The following NEMP1 variants were observed in gnomAD, a reference collection of about 807,000 sequenced individuals.
The protein encoded by NEMP1 is nuclear envelope integral membrane protein 1, also known as transmembrane protein 194.
Under a neutral mutation model 53.7 loss-of-function variants are expected in NEMP1, and 29 were observed. The ratio of observed to expected loss-of-function variants is 0.54; its 90% CI spans 0.40 to 0.74. The LOEUF is 0.74. Among genes scored for constraint, NEMP1 ranks in the 30% least tolerant of loss-of-function variants. The pLI is 0.00. For synonymous variants in NEMP1, 193 were observed against 192.9 expected, an observed-to-expected ratio of 1.00 and a Z score of 0.00; for missense variants, 477 against 528.6, an observed-to-expected ratio of 0.90 and a Z score of 0.96.
At chr12:57,084,014 G>A (rs2032921882) in intron 1 of NEMP1, among the ~76,000 whole-genome samples, 1 of 151,658 alleles carries the variant, frequency 6.6e-6, no homozygotes, top group South Asian at 2.1e-4. Context: ...CCAGGCTGGA[G>A]TGCGATGGCG....
At chr12:57,065,805 T>C (rs1315624703) in intron 4 of NEMP1, among the ~76,000 whole-genome samples, 4 of 151,556 alleles carry the variant, frequency 2.6e-5, no homozygotes, top group Non-Finnish European at 5.9e-5. Flanking sequence ...CTAGCCTACC[T>C]TGCACTTATG....
At chr12:57,066,168 T>G (rs1400043444) in intron 4 of NEMP1, among the ~76,000 whole-genome samples, 3 of 152,026 alleles carry the variant, frequency 2.0e-5, no homozygotes, top group African/African-American at 7.2e-5. Context: ...GGCAGGAGAA[T>G]GGCATGAACC....
At chr12:57,086,824 A>G (rs546429544) in intron 1 of NEMP1, among the ~76,000 whole-genome samples, 2 of 152,364 alleles carry the variant, frequency 1.3e-5, no homozygotes, top group African/African-American at 4.8e-5. Flanking sequence ...CAGATATACA[A>G]GTGGATATAA....
At chr12:57,070,593 T>A in intron 3 of NEMP1, 81 bp downstream of exon 3, 6 of 1,238,444 alleles carry the variant, frequency 4.8e-6, no homozygotes, top group Non-Finnish European at 6.8e-6. Context: ...TAGGCTGACT[T>A]CTCAGTCTCA....
chr12:57,065,150 C>T (rs1249975912), intron 4 of NEMP1, among the ~76,000 whole-genome samples: 3 of 152,114 alleles, frequency 2.0e-5, no homozygotes, highest in African/African-American at 7.2e-5. Flanking sequence ...CTGATGAAGG[C>T]AGTGGTTTCT....
intron 4 of NEMP1, among the ~76,000 whole-genome samples, chr12:57,065,809 A>C (rs955896304): frequency 3.3e-5 from 5 of 151,908 alleles, no homozygotes; most frequent in Non-Finnish European, 7.4e-5. Flanking sequence ...CCTACCTTGC[A>C]CTTATGTAAT....
Position 57,057,536 on chromosome 12 carries a change from G to C in NEMP1, c.*2343C>G, listed in dbSNP as rs186105993. On this transcript the variant is annotated 3_prime_UTR_variant, in exon 9 of 9. Coordinates refer to ENST00000300128, the MANE Select transcript of NEMP1 (RefSeq NM_001130963.2). ...TCTGGGCAGAGCCACAGGCAGGCAG[G>C]GCAAGGACACACAGCACACCAGAGC... The C allele has an allele frequency of 6.6e-6, 1 of 152,588 alleles. No individual in the cohort carries two copies. The highest frequency in any genetic ancestry group is 2.4e-5 in the African/African-American group (1 of 41,432). The allele number at this position is 152,588 out of a possible 1,614,324, so 9.5% of individuals were successfully genotyped here.
chr12:57,079,179 T>C (rs2032769945), upstream of NEMP1, among the ~76,000 whole-genome samples: 1 of 152,224 alleles, frequency 6.6e-6, no homozygotes, highest in African/African-American at 2.4e-5. Context: ...CTTTCTGTTA[T>C]GAGACGCCTA....
chr12:57,061,635 G>C (rs2031807954), intron 7 of NEMP1, among the ~76,000 whole-genome samples: 1 of 147,274 alleles, frequency 6.8e-6, no homozygotes, highest in Non-Finnish European at 1.5e-5. Context: ...GGAGGTTGCA[G>C]TGAGCCGAGA....
At chr12:57,060,240 G>A (rs537843844) in intron 8 of NEMP1, among the ~76,000 whole-genome samples, 181 bp from the exon 9 acceptor site, 68 of 152,318 alleles carry the variant, frequency 4.5e-4, no homozygotes, top group African/African-American at 1.6e-3. Flanking sequence ...AAGGAGAAAA[G>A]GAAAGCTGGG....
At chr12:57,064,978 A>G (rs1050694403) in intron 4 of NEMP1, among the ~76,000 whole-genome samples, 1 of 152,222 alleles carries the variant, frequency 6.6e-6, no homozygotes, top group Non-Finnish European at 1.5e-5. Flanking sequence ...TGTTTACACT[A>G]TATTATAGTA....
At chr12:57,087,230 G>A (rs1457615402) in intron 1 of NEMP1, among the ~76,000 whole-genome samples, 3 of 151,490 alleles carry the variant, frequency 2.0e-5, no homozygotes, top group Non-Finnish European at 2.9e-5. Context: ...ACTTGCTCAC[G>A]CCCTACTCCG....
At chr12:57,080,688 C>T (rs549120862), upstream of NEMP1, among the ~76,000 whole-genome samples, 65 of 151,502 alleles carry the variant, frequency 4.3e-4, no homozygotes, top group African/African-American at 1.5e-3. Flanking sequence ...GCCAGAAGTT[C>T]GAGACCAGCC....
chr12:57,070,512 T>C (rs2032293157), intron 3 of NEMP1, among the ~76,000 whole-genome samples, 162 bp downstream of exon 3: 1 of 152,192 alleles, frequency 6.6e-6, no homozygotes, highest in Non-Finnish European at 1.5e-5. Context: ...CTGATAGGGG[T>C]GAAGTCTCCA....
At chr12:57,060,538 A>G (rs1394592089) in intron 8 of NEMP1, among the ~76,000 whole-genome samples, 1 of 152,198 alleles carries the variant, frequency 6.6e-6, no homozygotes, top group African/African-American at 2.4e-5. Flanking sequence ...GAAACTTAAT[A>G]TGGTACTGGA....
In NEMP1 at chr12:57,078,772, C is replaced by G. The variant is rs2032753822; in HGVS notation, c.-27G>C. 3 of 1,598,332 alleles carry G rather than the reference C, an allele frequency of 1.9e-6. No homozygotes were observed. The highest frequency in any genetic ancestry group is 2.6e-6 in the Non-Finnish European group (3 of 1,169,926). ...GTTGCCTCAAGCCACCTCCTCCTCA[C>G]GTGCCTTACCCCAGCAACTAACTCC... On this transcript the variant is annotated 5_prime_UTR_variant, in exon 1 of 9. Transcript: ENST00000300128.
chr12:57,077,141 G>C (rs1242491791), intron 1 of NEMP1, among the ~76,000 whole-genome samples: 3 of 151,862 alleles, frequency 2.0e-5, no homozygotes, highest in Non-Finnish European at 1.5e-5. Context: ...GACCATCCTG[G>C]CTAACACGGT....
upstream of NEMP1, among the ~76,000 whole-genome samples, chr12:57,082,383 ATTATC>A (rs2032872888): frequency 6.6e-6 from 1 of 152,220 alleles, no homozygotes; most frequent in African/African-American, 2.4e-5. Flanking sequence ...AATTCACCAT[ATTATC>A]TTTTCAATTT....
intron 1 of NEMP1, among the ~76,000 whole-genome samples, chr12:57,076,938 G>C (rs2032650838): frequency 9.0e-6 from 1 of 111,126 alleles, no homozygotes; most frequent in Admixed American, 1.2e-4. Flanking sequence ...CAGACAGCAA[G>C]ACTACATTCT....
Sources: gnomAD v4.1 joint callset for allele counts (sites outside exome capture counted in the v4.1 genomes callset) on GRCh38, gnomAD v4.1.1 for gene constraint, MANE v1.5 for transcripts, NCBI Gene and HGNC (gene_info 2026-07-23, HGNC 2026-07-21) for gene names.